Variants in DIP2A observed in about 807,000 individuals in gnomAD.
DIP2A encodes disco-interacting protein 2 homolog A.
DIP2A carries 85 observed loss-of-function variants against 177.4 expected under a neutral mutation model. The ratio of observed to expected loss-of-function variants is 0.48; its 90% CI spans 0.40 to 0.57. The LOEUF (loss-of-function observed/expected upper bound fraction) is 0.57, where lower values mean the gene tolerates loss of function less well. Among genes scored for constraint, DIP2A ranks in the 20% least tolerant of loss-of-function variants. The pLI is 0.00. For missense variants in DIP2A, 1,791 were observed against 2,100.2 expected (o/e 0.85, Z 2.88); for synonymous variants, 886 against 881.8 (o/e 1.00, Z -0.08).
At position 46,498,504 on chromosome 21, in the gene DIP2A, G is replaced by T; in HGVS notation, c.404-78G>T. On this transcript the variant is annotated intron_variant, in intron 4 of 37. Coordinates refer to ENST00000417564, the MANE Select transcript of DIP2A (RefSeq NM_015151.4). The surrounding 1 kb of genome is among the most constrained non-coding windows in gnomAD (Gnocchi z 4.3). ...AGCATGCTGCACACAGGTCTGGGAG[G>T]CTCCAGTGTGAGTGGGAACTCCGTC... is the stretch of plus-strand genomic sequence containing the variant. 1 of 1,512,042 alleles carries T rather than the reference G, an allele frequency of 6.6e-7. No homozygotes were observed. Among genetic ancestry groups the T allele is most frequent in the Non-Finnish European group, 9.0e-7 (1 of 1,117,130 alleles). The allele number at this position is 1,512,042 out of a possible 1,614,324, so 93.7% of individuals were successfully genotyped here. A position where few individuals can be genotyped will look rare whatever the true frequency, so the allele number is the denominator to read the frequency against.
intron 2 of DIP2A, among the ~76,000 whole-genome samples, chr21:46,488,339 T>G (rs979800676): frequency 6.6e-6 from 1 of 152,190 alleles, no homozygotes; most frequent in African/African-American, 2.4e-5. Flanking sequence ...ATTGTCTTCA[T>G]AGGCAAGATA....
intron 22 of DIP2A, 29 bp from the exon 23 acceptor site, chr21:46,550,514 C>G: frequency 1.9e-6 from 3 of 1,597,118 alleles, no homozygotes; most frequent in Non-Finnish European, 2.6e-6. Flanking sequence ...AGTTGGGGGC[C>G]TGTGCCAAAC....
chr21:46,576,299 A>C, the DIP2A span, among the ~76,000 whole-genome samples: 4 of 151,530 alleles, frequency 2.6e-5, no homozygotes, highest in African/African-American at 9.7e-5. Flanking sequence ...AACAGGCCCC[A>C]GTGTGTGTTG....
chr21:46,485,003 A>C lies in DIP2A; in HGVS notation c.163+175A>C, dbSNP rs551533689. Reference sequence around the variant, plus strand: ...CGCTGTGTTGCCCAGGCTGGTCTTGAAAAATATGCCTCTAATATTAAATAA... The same window carrying C: ...CGCTGTGTTGCCCAGGCTGGTCTTGCAAAATATGCCTCTAATATTAAATAA... On this transcript the variant is annotated intron_variant, in intron 2 of 37. Transcript: ENST00000417564. Among the ~76,000 whole-genome samples the C allele has an allele frequency of 5.9e-5, 9 of 152,350 alleles. No individual in the cohort carries two copies. In the South Asian group the frequency reaches 1.9e-3, roughly 32 times the overall value.
intron 36 of DIP2A, 121 bp downstream of exon 36, chr21:46,566,008 G>GC: frequency 1.7e-5 from 20 of 1,175,578 alleles, no homozygotes; most frequent in Non-Finnish European, 2.4e-5. Context: ...GCTCCTTGTG[G>GC]GGGGAAGATG....
intron 6 of DIP2A, among the ~76,000 whole-genome samples, chr21:46,505,650 T>C (rs1174486719): frequency 6.6e-6 from 1 of 152,172 alleles, no homozygotes; most frequent in African/African-American, 2.4e-5. Flanking sequence ...AAAGCATCAC[T>C]ACAATCAAGA....
chr21:46,537,415 A>T lies in DIP2A; in HGVS notation c.1708-31A>T. On this transcript the variant is annotated intron_variant, in intron 14 of 37. Transcript: ENST00000417564. The surrounding 1 kb of genome is among the most constrained non-coding windows in gnomAD (Gnocchi z 4.1). ...GCTTTTTCTGGTGTGGCTCGGGCCC[A>T]CTCGCCCTAAGCATGTGTGCTCCCC... 1 of 1,605,112 alleles carries T rather than the reference A, an allele frequency of 6.2e-7. No homozygotes were observed. The highest frequency in any genetic ancestry group is 8.5e-7 in the Non-Finnish European group (1 of 1,176,180).
intron 26 of DIP2A, 25 bp downstream of exon 26, chr21:46,554,317 C>A (rs1020465045): frequency 6.2e-7 from 1 of 1,611,826 alleles, no homozygotes; most frequent in East Asian, 2.2e-5. Flanking sequence ...GGGCTGTCCA[C>A]CTGCAGCTCT....
At chr21:46,484,671 C>T in intron 1 of DIP2A, 86 bp from the exon 2 acceptor site, 2 of 1,169,860 alleles carry the variant, frequency 1.7e-6, no homozygotes, top group Non-Finnish European at 1.2e-6. Flanking sequence ...TCAGTGTTTC[C>T]AGTTTTTCAA....
Position 46,559,981 on chromosome 21 carries a change from A to C in DIP2A, c.3970-741A>C, listed in dbSNP as rs1302733470. ...TCTTTTGCTGTCTTACTTTGTTCAC[A>C]GTGGATATTACTTGACATATTACAA... is the stretch of plus-strand genomic sequence containing the variant. On this transcript the variant is annotated intron_variant, in intron 32 of 37. Transcript: ENST00000417564. Among the ~76,000 whole-genome samples, 4 of 152,244 alleles carry C rather than the reference A, an allele frequency of 2.6e-5. No homozygotes were observed. The South Asian group carries it at 6.2e-4, about 24-fold the overall frequency.
chr21:46,524,473 C>A (rs1056431481), intron 8 of DIP2A, among the ~76,000 whole-genome samples: 1 of 152,172 alleles, frequency 6.6e-6, no homozygotes, highest in Middle Eastern at 3.2e-3. Context: ...GTGCTGTGGT[C>A]TTATCTCCTT....
At chr21:46,550,209 T>A (rs2060220614) in intron 22 of DIP2A, 1 of 740,488 alleles carries the variant, frequency 1.4e-6, no homozygotes, top group Non-Finnish European at 2.1e-6. Flanking sequence ...CTGTGCAATA[T>A]ATCTCAAAGA....
At chr21:46,548,394 G>A (rs9979962) in intron 21 of DIP2A, among the ~76,000 whole-genome samples, 117,711 of 152,090 alleles carry the variant, frequency 0.77, 45,965 homozygotes, top group African/African-American at 0.88. Context: ...TGGTGACTGC[G>A]TCTGCAGGCA....
At chr21:46,514,617 C>CTTTTTTTTTTTTTTTTTTTTTTTTTTTTT (rs752628688) in intron 8 of DIP2A, among the ~76,000 whole-genome samples, 7 of 70,526 alleles carry the variant, frequency 9.9e-5, no homozygotes, top group Admixed American at 4.8e-4. Flanking sequence ...AACTTTTATT[C>CTTTTTTTTTTTTTTTTTTTTTTTTTTTTT]TTTTTTTTTT....
At position 46,554,639 on chromosome 21, in the gene DIP2A, GC is replaced by G; in HGVS notation, c.3224del (p.Pro1075ArgfsTer15). 4 of 1,598,526 alleles carry G rather than the reference GC, an allele frequency of 2.5e-6. No homozygotes were observed. Among genetic ancestry groups the G allele is most frequent in the East Asian group, 2.3e-5 (1 of 44,062 alleles). On this transcript the variant is annotated frameshift_variant, in exon 27 of 38. Coordinates refer to ENST00000417564, the MANE Select transcript of DIP2A (RefSeq NM_015151.4). LOFTEE classifies it high-confidence loss of function. ...YCGCVPVTVR[P>X]PHPQNLGTTL... ...GTGGCTGCGTGCCTGTCACCGTGCG[GC>G]CCCCGCACCCTCAGAACCTCGGCAC...
chr21:46,533,489 C>T, intron 10 of DIP2A, 35 bp from the exon 11 acceptor site: 1 of 1,602,134 alleles, frequency 6.2e-7, no homozygotes, highest in Non-Finnish European at 8.5e-7. Flanking sequence ...CTGCTGTGAG[C>T]ACCCCACCCC....
chr21:46,473,904 AC>A (rs2055618961), intron 1 of DIP2A, among the ~76,000 whole-genome samples: 1 of 152,216 alleles, frequency 6.6e-6, no homozygotes, highest in Non-Finnish European at 1.5e-5. Context: ...AAATGTATTA[AC>A]AAAACATTTC....
chr21:46,525,940 C>G (rs2059064021), intron 8 of DIP2A, among the ~76,000 whole-genome samples: 1 of 149,108 alleles, frequency 6.7e-6, no homozygotes, highest in Admixed American at 6.7e-5. Context: ...TGGAGTTTCG[C>G]TCTTGTTGCC....
At chr21:46,473,673 G>A (rs138992531) in intron 1 of DIP2A, among the ~76,000 whole-genome samples, 1,610 of 152,032 alleles carry the variant, frequency 0.011, 27 homozygotes, top group African/African-American at 0.037. Flanking sequence ...GTGCCACCAC[G>A]CCCGGCTAAT....
Sources: allele counts gnomAD v4.1 joint callset (sites outside exome capture counted in the v4.1 genomes callset), GRCh38; gene constraint gnomAD v4.1.1; non-coding constraint Gnocchi (gnomAD v3.1); transcripts MANE v1.5; gene names NCBI Gene and HGNC (gene_info 2026-07-23, HGNC 2026-07-21).